PARM1: variants seen among roughly 807,000 people sequenced by gnomAD.
PARM1 encodes prostate androgen-regulated mucin-like protein 1.
In PARM1, 14 loss-of-function variants were observed where a neutral mutation model predicts 24.6. That is an observed-to-expected ratio of 0.57 (90% CI 0.38 to 0.89). PARM1 has a LOEUF of 0.89. Ranked by LOEUF, PARM1 falls within the 40% of genes least tolerant of loss-of-function variation. The pLI is 0.00. For missense variants in PARM1, 362 were observed against 380.4 expected, an observed-to-expected ratio of 0.95 and a Z score of 0.40; for synonymous variants, 179 against 156.6, an observed-to-expected ratio of 1.14 and a Z score of -1.07.
chr4:75,007,519 C>G (rs1484114607), intron 1 of PARM1, among the ~76,000 whole-genome samples: 1 of 152,210 alleles, frequency 6.6e-6, no homozygotes, highest in Non-Finnish European at 1.5e-5. Context: ...CACTTCCTCT[C>G]TCTGTGTCTG....
intron 1 of PARM1, among the ~76,000 whole-genome samples, chr4:74,949,254 A>G (rs1721470656): frequency 6.6e-6 from 1 of 152,146 alleles, no homozygotes. Flanking sequence ...CTCTGAGAAA[A>G]AATGCATCTA....
chr4:75,024,642 T>C (rs1723149650), intron 2 of PARM1, among the ~76,000 whole-genome samples: 1 of 152,210 alleles, frequency 6.6e-6, no homozygotes, highest in South Asian at 2.1e-4. Flanking sequence ...CTGGATGATT[T>C]TTCCAAAGGA....
At chr4:74,971,266 A>G (rs926021593) in intron 1 of PARM1, among the ~76,000 whole-genome samples, 19 of 152,134 alleles carry the variant, frequency 1.2e-4, no homozygotes, top group African/African-American at 4.6e-4. Context: ...TGTACAGGGG[A>G]GCTGCCCTTT....
In PARM1 at chr4:75,001,824, T is replaced by C. The variant is rs1028972227; in HGVS notation, c.44-10601T>C. Among the ~76,000 whole-genome samples the C allele has an allele frequency of 4.6e-5, 7 of 152,308 alleles. No individual in the cohort carries two copies. The South Asian group carries it at 1.5e-3, about 32-fold the overall frequency. The stretch of plus-strand genomic sequence containing the variant: ...CCATCAGAGGAAACACCCTCTAAGT[T>C]TGAGCTGTTTTCCCAGTTGTGGAGA... On this transcript the variant is annotated intron_variant, in intron 1 of 3. Transcript: ENST00000307428.
intron 1 of PARM1, among the ~76,000 whole-genome samples, chr4:74,939,289 G>C (rs1318551349): frequency 6.6e-6 from 1 of 152,098 alleles, no homozygotes; most frequent in Non-Finnish European, 1.5e-5. Context: ...AGCTCTCTGG[G>C]TTAGCAACTA....
At chr4:75,024,884 A>G (rs187007243) in intron 2 of PARM1, among the ~76,000 whole-genome samples, 1 of 152,274 alleles carries the variant, frequency 6.6e-6, no homozygotes, top group East Asian at 1.9e-4. Flanking sequence ...TTTTTAGTAC[A>G]AAGTTTCACC....
At chr4:74,949,128 A>C (rs1337553301) in intron 1 of PARM1, among the ~76,000 whole-genome samples, 1 of 152,198 alleles carries the variant, frequency 6.6e-6, no homozygotes, top group Non-Finnish European at 1.5e-5. Context: ...TTATGAAATA[A>C]AATTTCACTC....
At chr4:74,986,454 C>A (rs1322950173) in intron 1 of PARM1, among the ~76,000 whole-genome samples, 5 of 152,198 alleles carry the variant, frequency 3.3e-5, no homozygotes, top group Non-Finnish European at 4.4e-5. Flanking sequence ...CCTCCACACC[C>A]TTTGTGTTAC....
intron 2 of PARM1, among the ~76,000 whole-genome samples, chr4:75,032,761 C>T (rs1200440442): frequency 1.3e-5 from 2 of 152,214 alleles, no homozygotes; most frequent in African/African-American, 2.4e-5. Flanking sequence ...GAACCACACT[C>T]GAATCCACAT....
intron 1 of PARM1, among the ~76,000 whole-genome samples, chr4:75,002,936 TTACA>T (rs1722708484): frequency 6.6e-6 from 1 of 152,210 alleles, no homozygotes; most frequent in Admixed American, 6.5e-5. Context: ...AATTTGTAAG[TTACA>T]TATTTAGACA....
rs757194557 is a variant in PARM1 at position 75,033,890 on chromosome 4, C to T, written c.777C>T (p.Ile259=). The T allele has an allele frequency of 1.3e-5, 20 of 1,597,142 alleles. No individual in the cohort carries two copies. In the African/African-American group the frequency reaches 1.7e-4, roughly 14 times the overall value. The change falls in exon 3 of 4, where the codon ATC becomes ATT. Residue 259 remains isoleucine, a synonymous_variant. Transcript: ENST00000307428. ...GCCCTTCCTCCTTCACAGGCAGCAT[C>T]GCCGCCATTACCGTGACAGTCATTG... ...EVEHALSSGS[I]AAITVTVIAV... is the part of the protein sequence containing the mutation.
At chr4:74,951,629 C>G (rs1218210098) in intron 1 of PARM1, among the ~76,000 whole-genome samples, 1 of 152,072 alleles carries the variant, frequency 6.6e-6, no homozygotes, top group Non-Finnish European at 1.5e-5. Flanking sequence ...ATGTTCCCCT[C>G]TCTGTGTCCA....
In PARM1 at chr4:75,049,028, G is replaced by A. The variant is rs1382193145; in HGVS notation, c.*2781G>A. Reference sequence around the variant, plus strand: ...AGCACCTGTCCAGGTCTGCCTAAAGGAAATGGCTCCAGTGGGTCTAAACAA... The same window carrying A: ...AGCACCTGTCCAGGTCTGCCTAAAGAAAATGGCTCCAGTGGGTCTAAACAA... On this transcript the variant is annotated 3_prime_UTR_variant, in exon 4 of 4. Coordinates refer to ENST00000307428, the MANE Select transcript of PARM1 (RefSeq NM_015393.4). 1.3e-5 allele frequency: 2 copies of A among 152,446 alleles called. No homozygotes were observed. Among genetic ancestry groups the A allele is most frequent in the Non-Finnish European group, 2.9e-5 (2 of 68,030 alleles). The allele number at this position is 152,446 out of a possible 1,614,324, so 9.4% of individuals were successfully genotyped here. A position where few individuals can be genotyped will look rare whatever the true frequency, so the allele number is the denominator to read the frequency against.
intron 1 of PARM1, among the ~76,000 whole-genome samples, chr4:74,955,614 T>C (rs918374529): frequency 1.3e-5 from 2 of 152,240 alleles, no homozygotes; most frequent in Non-Finnish European, 2.9e-5. Flanking sequence ...CTTTCAAAAT[T>C]CATAAGCCTC....
At chr4:75,034,013 G>C (rs1218936840) in intron 3 of PARM1, 52 bp downstream of exon 3, 5 of 1,414,156 alleles carry the variant, frequency 3.5e-6, no homozygotes, top group Non-Finnish European at 4.9e-6. Flanking sequence ...GTTGGGCTCT[G>C]GGCTGAGCGC....
At chr4:75,002,800 C>T (rs1050016372) in intron 1 of PARM1, among the ~76,000 whole-genome samples, 7 of 152,174 alleles carry the variant, frequency 4.6e-5, no homozygotes, top group African/African-American at 1.7e-4. Flanking sequence ...TGGACCCAGC[C>T]GCAGCTTTGG....
intron 1 of PARM1, among the ~76,000 whole-genome samples, chr4:74,950,217 C>T (rs1429932754): frequency 3.9e-5 from 6 of 152,156 alleles, no homozygotes; most frequent in Non-Finnish European, 7.3e-5. Context: ...ACCATAAACT[C>T]GGAAAGCTTA....
intron 1 of PARM1, among the ~76,000 whole-genome samples, chr4:75,010,115 G>A (rs1722844313): frequency 6.6e-6 from 1 of 152,192 alleles, no homozygotes; most frequent in Non-Finnish European, 1.5e-5. Flanking sequence ...GTATCTATCA[G>A]TGTATGAACG....
chr4:75,028,862 T>A (rs1047007158), intron 2 of PARM1, among the ~76,000 whole-genome samples: 2 of 152,264 alleles, frequency 1.3e-5, no homozygotes, highest in African/African-American at 4.8e-5. Flanking sequence ...AATTGGTGAA[T>A]ATTAATATTT....
Sources: allele counts gnomAD v4.1 joint callset (sites outside exome capture counted in the v4.1 genomes callset), GRCh38; gene constraint gnomAD v4.1.1; transcripts MANE v1.5; gene names NCBI Gene and HGNC (gene_info 2026-07-23, HGNC 2026-07-21).